The following TRHDE variants were observed in gnomAD, a reference collection of about 807,000 sequenced individuals.
TRHDE encodes the protein thyrotropin-releasing hormone-degrading ectoenzyme.
TRHDE carries 72 observed loss-of-function variants against 125.7 expected under a neutral mutation model. The observed-to-expected ratio is 0.57, with a 90% CI of 0.47 to 0.70. TRHDE has a LOEUF of 0.70. Among genes scored for constraint, TRHDE ranks in the 30% least tolerant of loss-of-function variants. TRHDE has a pLI of 0.00. For missense variants in TRHDE, 1,110 were observed against 1,327.1 expected (o/e 0.84, Z 2.54); for synonymous variants, 509 against 509.1 (o/e 1.00, Z 0.00).
At chr12:72,459,601 C>T (rs975563745) in intron 3 of TRHDE, among the ~76,000 whole-genome samples, 1 of 152,080 alleles carries the variant, frequency 6.6e-6, no homozygotes, top group Non-Finnish European at 1.5e-5. Flanking sequence ...GTTCTAGCTA[C>T]AGTAGTAGCT....
chr12:72,089,995 T>C (rs1874754373), intron 1 of TRHDE, among the ~76,000 whole-genome samples: 1 of 152,222 alleles, frequency 6.6e-6, no homozygotes, highest in African/African-American at 2.4e-5. Context: ...CCATTAGTGC[T>C]ACCTGCCATT....
At chr12:72,131,539 T>G (rs1020899229) in intron 2 of TRHDE, among the ~76,000 whole-genome samples, 8 of 152,230 alleles carry the variant, frequency 5.3e-5, no homozygotes, top group Non-Finnish European at 1.2e-4. Context: ...CCTTTATTGA[T>G]TCACATGAGC....
chr12:72,302,783 G>C (rs762908109), intron 2 of TRHDE, among the ~76,000 whole-genome samples: 19 of 152,284 alleles, frequency 1.2e-4, no homozygotes, highest in Middle Eastern at 6.8e-3. Flanking sequence ...TCTAACCACA[G>C]ATCTGCTGAG....
intron 15 of TRHDE, among the ~76,000 whole-genome samples, chr12:72,635,530 G>A (rs1440831622): frequency 6.6e-6 from 1 of 152,110 alleles, no homozygotes; most frequent in Admixed American, 6.5e-5. Flanking sequence ...GTCAATTGTG[G>A]CTTTTGTTGC....
At chr12:72,123,467 A>G (rs1039648366) in intron 2 of TRHDE, among the ~76,000 whole-genome samples, 16 of 152,060 alleles carry the variant, frequency 1.1e-4, no homozygotes, top group Admixed American at 8.5e-4. Flanking sequence ...TTGAATCCCA[A>G]TGTTAGCATT....
chr12:72,619,454 C>A (rs1872956327), intron 13 of TRHDE, among the ~76,000 whole-genome samples: 1 of 152,094 alleles, frequency 6.6e-6, no homozygotes, highest in Admixed American at 6.6e-5. Flanking sequence ...GAATTCAATT[C>A]ACTGCCTTAA....
Position 72,667,964 on chromosome 12 carries a change from A to G in TRHDE, c.*4769A>G, listed in dbSNP as rs2136122037. 1 of 151,792 alleles carries G rather than the reference A, an allele frequency of 6.6e-6. No homozygotes were observed. The highest frequency in any genetic ancestry group is 1.9e-4 in the East Asian group (1 of 5,134). 9.4% of individuals were successfully genotyped at this position (151,792 alleles called of 1,614,324 possible). On this transcript the variant is annotated 3_prime_UTR_variant, in exon 19 of 19. Coordinates refer to ENST00000261180, the MANE Select transcript of TRHDE (RefSeq NM_013381.3). ...ACTATCGGTATCTCACAATGTGTTA[A>G]TTTTAAGTTAATTATATATTCTTTA...
chr12:72,562,044 T>C, intron 7 of TRHDE, 121 bp from the exon 8 acceptor site: 2 of 522,180 alleles, frequency 3.8e-6, no homozygotes, highest in East Asian at 6.5e-5. Flanking sequence ...TTATTTATCT[T>C]TTTTATGTCC....
intron 3 of TRHDE, among the ~76,000 whole-genome samples, chr12:72,408,259 A>C (rs1873348911): frequency 6.6e-6 from 1 of 152,208 alleles, no homozygotes; most frequent in South Asian, 2.1e-4. Context: ...AAGAGGGATA[A>C]AGTTTCCAAC....
At chr12:72,657,071 C>T in intron 18 of TRHDE, 63 bp downstream of exon 18, 2 of 1,060,366 alleles carry the variant, frequency 1.9e-6, no homozygotes, top group South Asian at 1.3e-5. Flanking sequence ...TATGCATTTA[C>T]TTCAGTCATT....
At chr12:72,129,022 A>T (rs1875790848) in intron 2 of TRHDE, among the ~76,000 whole-genome samples, 1 of 152,222 alleles carries the variant, frequency 6.6e-6, no homozygotes, top group Non-Finnish European at 1.5e-5. Context: ...TTAAAGAGGA[A>T]ATATTAAAAG....
intron 3 of TRHDE, among the ~76,000 whole-genome samples, chr12:72,403,860 A>G (rs1260754856): frequency 2.0e-5 from 3 of 152,164 alleles, no homozygotes; most frequent in Non-Finnish European, 4.4e-5. Flanking sequence ...GGGGGCTCAG[A>G]GTGGAGTGGA....
At chr12:72,312,494 T>C (rs1252383452) in intron 2 of TRHDE, among the ~76,000 whole-genome samples, 1 of 152,154 alleles carries the variant, frequency 6.6e-6, no homozygotes, top group Non-Finnish European at 1.5e-5. Context: ...CACTCAGCAA[T>C]TGTTTTAAAA....
intron 6 of TRHDE, among the ~76,000 whole-genome samples, chr12:72,531,974 C>A (rs1185443469): frequency 6.6e-6 from 1 of 152,006 alleles, no homozygotes; most frequent in African/African-American, 2.4e-5. Context: ...CAGATCAAGA[C>A]AATTTCTGTG....
intron 2 of TRHDE, among the ~76,000 whole-genome samples, chr12:72,245,376 C>A (rs1878557342): frequency 6.6e-6 from 1 of 151,674 alleles, no homozygotes; most frequent in East Asian, 1.9e-4. Context: ...CTCTACCTAC[C>A]CATCTCTCCA....
chr12:72,356,240 A>G (rs1038384035), intron 2 of TRHDE, among the ~76,000 whole-genome samples: 5 of 151,784 alleles, frequency 3.3e-5, no homozygotes, highest in African/African-American at 1.2e-4. Flanking sequence ...CTTTGCAGGA[A>G]CATGGATGGA....
chr12:72,149,398 G>T (rs150996265), intron 2 of TRHDE, among the ~76,000 whole-genome samples: 32 of 152,270 alleles, frequency 2.1e-4, no homozygotes, highest in East Asian at 3.9e-4. Context: ...ATAAGCCACT[G>T]TACATGAGCC....
chr12:72,134,133 C>T (rs965412286), intron 2 of TRHDE, among the ~76,000 whole-genome samples: 1 of 152,138 alleles, frequency 6.6e-6, no homozygotes, highest in African/African-American at 2.4e-5. Flanking sequence ...TTCCTTCTCT[C>T]CAGGATTTGG....
At chr12:72,595,258 TATA>T (rs35018831) in intron 12 of TRHDE, among the ~76,000 whole-genome samples, 10 of 151,084 alleles carry the variant, frequency 6.6e-5, no homozygotes, top group African/African-American at 2.2e-4. Context: ...AAACTTAAAG[TATA>T]ATAATAATAA....
Sources: allele counts gnomAD v4.1 joint callset (sites outside exome capture counted in the v4.1 genomes callset), GRCh38; gene constraint gnomAD v4.1.1; transcripts MANE v1.5; gene names NCBI Gene and HGNC (gene_info 2026-07-23, HGNC 2026-07-21).